The following CACNB4 variants were observed in gnomAD, a reference collection of about 807,000 sequenced individuals.
CACNB4 encodes the protein voltage-dependent L-type calcium channel subunit beta-4.
In CACNB4, 32 loss-of-function variants were observed where a neutral mutation model predicts 71.2. The observed-to-expected ratio is 0.45, with a 90% CI of 0.34 to 0.60. The LOEUF is 0.60. Ranked by LOEUF, CACNB4 falls within the 20% of genes least tolerant of loss-of-function variation. CACNB4 has a pLI of 0.01. For synonymous variants in CACNB4, 231 were observed against 236.9 expected (o/e 0.97, Z 0.23); for missense variants, 464 against 647.9 (o/e 0.72, Z 3.08).
At chr2:151,915,443 A>C (rs1578776121) in intron 2 of CACNB4, among the ~76,000 whole-genome samples, 1 of 152,182 alleles carries the variant, frequency 6.6e-6, no homozygotes, top group Non-Finnish European at 1.5e-5. Flanking sequence ...TCCCTCCCGC[A>C]AGGAGCTCAA....
Position 151,839,092 on chromosome 2 carries a change from A to C in CACNB4, c.*27T>G. On this transcript the variant is annotated 3_prime_UTR_variant, in exon 14 of 14. Transcript: ENST00000539935. The stretch of plus-strand genomic sequence containing the variant: ...AGCACTGCTATGGCAAATTGTCAAC[A>C]GATGAATATTTTTTGTTTCATTAGA... The C allele has an allele frequency of 1.9e-6, 3 of 1,593,964 alleles. No homozygotes were observed. Among genetic ancestry groups the C allele is most frequent in the Non-Finnish European group, 2.6e-6 (3 of 1,166,708 alleles).
intron 2 of CACNB4, among the ~76,000 whole-genome samples, chr2:152,035,569 TTC>T (rs367670764): frequency 0.032 from 2,468 of 77,730 alleles, 68 homozygotes; most frequent in African/African-American, 0.1. Flanking sequence ...CTCTCTCTCT[TTC>T]TCTCTCTCTC....
At position 151,895,258 on chromosome 2, in the gene CACNB4, T is replaced by A. The variant is rs150362352; in HGVS notation, c.148-11888A>T. Among the ~76,000 whole-genome samples, 99 of 151,726 alleles carry A rather than the reference T, an allele frequency of 6.5e-4. 1 individual carries two copies. Among genetic ancestry groups the A allele is most frequent in the East Asian group, 2.9e-3 (15 of 5,182 alleles). On this transcript the variant is annotated intron_variant, in intron 2 of 13. Coordinates refer to ENST00000539935, the MANE Select transcript of CACNB4 (RefSeq NM_000726.5). ...GGTATTGGTATAAAAAACAGATACATGTTATCCACGGAAGACATGTTTTTA... is the reference window on the plus strand; with the variant it reads ...GGTATTGGTATAAAAAACAGATACAAGTTATCCACGGAAGACATGTTTTTA...
chr2:151,971,234 C>G (rs1224293633), intron 2 of CACNB4: 2 of 491,870 alleles, frequency 4.1e-6, no homozygotes, highest in Non-Finnish European at 3.7e-6. Context: ...ATGGTTTACT[C>G]TTATTCGGAA....
At chr2:151,869,082 T>C (rs576935391) in intron 9 of CACNB4, 95 bp downstream of exon 9, 151 of 750,444 alleles carry the variant, frequency 2.0e-4, no homozygotes, top group Non-Finnish European at 3.2e-4. Flanking sequence ...ACTAGAGAAC[T>C]TCTGAAATCT....
intron 2 of CACNB4, among the ~76,000 whole-genome samples, chr2:152,041,079 A>T (rs1684847737): frequency 1.3e-5 from 2 of 152,196 alleles, no homozygotes; most frequent in African/African-American, 4.8e-5. Context: ...CATGGGAGAA[A>T]CACCATTAGG....
chr2:152,053,316 G>A (rs1031503970), intron 2 of CACNB4, among the ~76,000 whole-genome samples: 1 of 152,088 alleles, frequency 6.6e-6, no homozygotes, highest in African/African-American at 2.4e-5. Context: ...CCTACTTAAT[G>A]AAGCTCCATA....
intron 2 of CACNB4, among the ~76,000 whole-genome samples, chr2:151,983,688 C>CACACAT (rs2099875123): frequency 6.6e-6 from 1 of 151,522 alleles, no homozygotes; most frequent in Non-Finnish European, 1.5e-5. Flanking sequence ...CACACACACA[C>CACACAT]ACACACACAC....
At chr2:151,967,704 G>C (rs139327130) in intron 2 of CACNB4, 25 of 151,168 alleles carry the variant, frequency 1.7e-4, no homozygotes, top group African/African-American at 5.8e-4. Flanking sequence ...ACACAGACAA[G>C]CTCCTGAGTA....
intron 2 of CACNB4, among the ~76,000 whole-genome samples, chr2:151,961,069 A>T (rs2099869534): frequency 6.6e-6 from 1 of 152,208 alleles, no homozygotes; most frequent in South Asian, 2.1e-4. Context: ...TGCTCCTCTT[A>T]GCATTCCCAC....
At chr2:152,001,436 C>G (rs1274875020) in intron 2 of CACNB4, among the ~76,000 whole-genome samples, 2 of 145,740 alleles carry the variant, frequency 1.4e-5, no homozygotes, top group East Asian at 4.2e-4. Flanking sequence ...TGCCTGTAAT[C>G]CCAGCACTTT....
chr2:151,956,304 T>C (rs2099868237), intron 2 of CACNB4, among the ~76,000 whole-genome samples: 1 of 152,214 alleles, frequency 6.6e-6, no homozygotes, highest in Non-Finnish European at 1.5e-5. Flanking sequence ...CAAATGTCCA[T>C]CAATGGATGA....
At chr2:151,861,382 G>A (rs989027298) in intron 9 of CACNB4, 2 of 152,274 alleles carry the variant, frequency 1.3e-5, no homozygotes, top group African/African-American at 4.8e-5. Flanking sequence ...TTATAAGAAT[G>A]TGAAAAAATG....
intron 2 of CACNB4, among the ~76,000 whole-genome samples, chr2:151,937,522 C>T (rs1005088636): frequency 6.6e-5 from 10 of 152,134 alleles, no homozygotes; most frequent in African/African-American, 2.4e-4. Context: ...TGTGCTTTTG[C>T]ATATTATGGA....
In CACNB4 at chr2:152,027,256, C is replaced by A. The variant is rs927884430; in HGVS notation, c.147+71074G>T. Among the ~76,000 whole-genome samples, 9 of 152,316 alleles carry A rather than the reference C, an allele frequency of 5.9e-5. No individual in the cohort carries two copies. In the East Asian group the frequency reaches 7.7e-4, roughly 13 times the overall value. ...TCTGTTGGCTTTCAGGCACCTCCTC[C>A]CATTTTTCTGGCCACTCCTTCATCT... On this transcript the variant is annotated intron_variant, in intron 2 of 13. Coordinates refer to ENST00000539935, the MANE Select transcript of CACNB4 (RefSeq NM_000726.5).
At position 151,839,074 on chromosome 2, in the gene CACNB4, C is replaced by T; in HGVS notation, c.*45G>A. On this transcript the variant is annotated 3_prime_UTR_variant, in exon 14 of 14. Transcript: ENST00000539935. ...AGATGATTGGTTTATCCTAGCACTG[C>T]TATGGCAAATTGTCAACAGATGAAT... The T allele has an allele frequency of 6.4e-7, 1 of 1,564,018 alleles. No individual in the cohort carries two copies. Among genetic ancestry groups the T allele is most frequent in the Middle Eastern group, 1.8e-4 (1 of 5,602 alleles).
At chr2:151,951,235 C>G (rs1448623790) in intron 2 of CACNB4, among the ~76,000 whole-genome samples, 1 of 151,944 alleles carries the variant, frequency 6.6e-6, no homozygotes, top group Admixed American at 6.6e-5. Flanking sequence ...CTGAACTGTT[C>G]ATTTTAAAAT....
chr2:151,895,096 C>CCCCCCCCA (rs762464510), intron 2 of CACNB4, among the ~76,000 whole-genome samples: 7 of 22,338 alleles, frequency 3.1e-4, no homozygotes, highest in Admixed American at 8.4e-4. Context: ...TCAAATAGCC[C>CCCCCCCCA]CACACACACA....
At chr2:151,884,518 C>T (rs1371744399) in intron 2 of CACNB4, among the ~76,000 whole-genome samples, 3 of 150,812 alleles carry the variant, frequency 2.0e-5, no homozygotes, top group Non-Finnish European at 4.4e-5. Context: ...CCTGTAGTCC[C>T]CAGCTACTCA....
Sources: allele counts gnomAD v4.1 joint callset (sites outside exome capture counted in the v4.1 genomes callset), GRCh38; gene constraint gnomAD v4.1.1; transcripts MANE v1.5; gene names NCBI Gene and HGNC (gene_info 2026-07-23, HGNC 2026-07-21).